The following COX6B1 variants were observed in gnomAD, a reference collection of about 807,000 sequenced individuals.
COX6B1 encodes the protein COX VIb-1.
Under a neutral mutation model 14.0 loss-of-function variants are expected in COX6B1, and 2 were observed. The observed-to-expected ratio is 0.14, with a 90% CI of 0.06 to 0.45. The LOEUF (loss-of-function observed/expected upper bound fraction) is 0.45, where lower values mean the gene tolerates loss of function less well. COX6B1 is among the 20% of genes least tolerant of loss of function. COX6B1 has a pLI of 0.98. For synonymous variants in COX6B1, 30 were observed against 39.7 expected (o/e 0.76, Z 0.92); for missense variants, 81 against 114.2 (o/e 0.71, Z 1.33).
At chr19:35,656,200 T>A (rs1463763613) in intron 3 of COX6B1, among the ~76,000 whole-genome samples, 1 of 152,222 alleles carries the variant, frequency 6.6e-6, no homozygotes, top group Non-Finnish European at 1.5e-5. Context: ...ACAAAAATCT[T>A]CATGTACAAA....
At chr19:35,656,126 A>G (rs1210140400) in intron 3 of COX6B1, among the ~76,000 whole-genome samples, 1 of 152,200 alleles carries the variant, frequency 6.6e-6, no homozygotes, top group African/African-American at 2.4e-5. Context: ...TACCGCACCC[A>G]GCTGAATCTT....
intron 1 of COX6B1, 39 bp from the exon 2 acceptor site, chr19:35,651,194 C>G: frequency 7.0e-7 from 1 of 1,426,268 alleles, no homozygotes; most frequent in Non-Finnish European, 9.9e-7. Flanking sequence ...GCTCAGGGCC[C>G]CTGGGGCCCC....
Position 35,653,972 on chromosome 19 carries a change from G to C in COX6B1, c.107-599G>C, listed in dbSNP as rs546607200. ...ACCTGCCTTAGCTTCCCAAAGTGCTGGGATTACAGGCCTGAGCCACCATGC... is the reference window on the plus strand; with the variant it reads ...ACCTGCCTTAGCTTCCCAAAGTGCTCGGATTACAGGCCTGAGCCACCATGC... On this transcript the variant is annotated intron_variant, in intron 2 of 3. Transcript: ENST00000649813. 2.0e-5 allele frequency among the ~76,000 whole-genome samples: 3 copies of C among 152,160 alleles called. No individual in the cohort carries two copies. The South Asian group carries it at 6.2e-4, about 31-fold the overall frequency.
Position 35,658,649 on chromosome 19 carries a change from C to A in COX6B1, c.*2C>A. 1.2e-6 allele frequency: 2 copies of A among 1,613,712 alleles called. No individual in the cohort carries two copies. Among genetic ancestry groups the A allele is most frequent in the Non-Finnish European group, 1.7e-6 (2 of 1,179,662 alleles). On this transcript the variant is annotated 3_prime_UTR_variant, in exon 4 of 4. Coordinates refer to ENST00000649813, the MANE Select transcript of COX6B1 (RefSeq NM_001863.5). ...GGCACGTTTCCCGGGAAGATCTGAA[C>A]TGGCTGCATCTCCCTTTCCTCTGTC...
At chr19:35,655,755 GTCTC>G (rs3038413) in intron 3 of COX6B1, among the ~76,000 whole-genome samples, 19,935 of 145,856 alleles carry the variant, frequency 0.14, 1,641 homozygotes, top group East Asian at 0.38. Flanking sequence ...CACTGTGCCT[GTCTC>G]TCTCTCTCTC....
chr19:35,653,474 A>G (rs1967852519), intron 2 of COX6B1, among the ~76,000 whole-genome samples: 1 of 147,624 alleles, frequency 6.8e-6, no homozygotes. Context: ...GGATTTCACC[A>G]TGTTGGCCAG....
At chr19:35,657,189 T>A (rs1438430723) in intron 3 of COX6B1, among the ~76,000 whole-genome samples, 2 of 151,864 alleles carry the variant, frequency 1.3e-5, no homozygotes, top group Non-Finnish European at 1.5e-5. Flanking sequence ...AGCCCTGAGC[T>A]TGTTTTCCTG....
chr19:35,655,972 T>C lies in COX6B1; in HGVS notation c.207+1301T>C, dbSNP rs1967885142. On this transcript the variant is annotated intron_variant, in intron 3 of 3. Transcript: ENST00000649813. ...TCCTGAATAGCTGGGACTACAGGCA[T>C]GAGCCACCACACCTGGCCCAATTTT... Among the ~76,000 whole-genome samples the C allele has an allele frequency of 2.0e-5, 3 of 152,090 alleles. No individual in the cohort carries two copies. The South Asian group carries it at 6.2e-4, about 32-fold the overall frequency.
At position 35,655,441 on chromosome 19, in the gene COX6B1, C is replaced by T. The variant is rs913897851; in HGVS notation, c.207+770C>T. ...CACGGTTTCTTCATCTACCCCTTTT[C>T]GTTTTCTTCTTTCCTTTGCTGAAGT... On this transcript the variant is annotated intron_variant, in intron 3 of 3. Transcript: ENST00000649813. Among the ~76,000 whole-genome samples the T allele has an allele frequency of 2.2e-4, 33 of 152,236 alleles. No homozygotes were observed. The South Asian group carries it at 2.7e-3, about 12-fold the overall frequency.
At chr19:35,649,724 C>G (rs1481710644) in intron 1 of COX6B1, among the ~76,000 whole-genome samples, 1 of 152,122 alleles carries the variant, frequency 6.6e-6, no homozygotes, top group Non-Finnish European at 1.5e-5. Flanking sequence ...AGGTGATCCA[C>G]CCACCTCGGC....
chr19:35,653,738 G>A (rs1334609349), intron 2 of COX6B1, among the ~76,000 whole-genome samples: 1 of 151,206 alleles, frequency 6.6e-6, no homozygotes, highest in African/African-American at 2.4e-5. Context: ...CCGCCACCGC[G>A]CCCAGCTAAT....
chr19:35,657,506 G>A (rs528406255), intron 3 of COX6B1, among the ~76,000 whole-genome samples: 2 of 152,076 alleles, frequency 1.3e-5, no homozygotes, highest in Admixed American at 6.6e-5. Context: ...GTTGGGGCTC[G>A]GGGACCCCTG....
At chr19:35,653,418 G>A (rs536234958) in intron 2 of COX6B1, among the ~76,000 whole-genome samples, 3 of 150,734 alleles carry the variant, frequency 2.0e-5, no homozygotes, top group South Asian at 2.1e-4. Flanking sequence ...GACTACAGGC[G>A]CGTGCCACCA....
At chr19:35,650,301 C>A (rs1014723762) in intron 1 of COX6B1, among the ~76,000 whole-genome samples, 48 of 152,184 alleles carry the variant, frequency 3.2e-4, no homozygotes, top group African/African-American at 1.1e-3. Context: ...CCGCACCCGG[C>A]GAAAATTGTA....
intron 3 of COX6B1, among the ~76,000 whole-genome samples, chr19:35,655,031 T>G (rs1967872300): frequency 6.6e-6 from 1 of 151,140 alleles, no homozygotes; most frequent in Non-Finnish European, 1.5e-5. Flanking sequence ...TTTTTCTTTT[T>G]TTTTTTTTAG....
intron 1 of COX6B1, among the ~76,000 whole-genome samples, chr19:35,650,352 T>C (rs1967811576): frequency 6.6e-6 from 1 of 152,206 alleles, no homozygotes. Flanking sequence ...TGCTTTTCTT[T>C]GTGATGCTGT....
At chr19:35,650,248 C>T (rs1210583540) in intron 1 of COX6B1, among the ~76,000 whole-genome samples, 1 of 152,066 alleles carries the variant, frequency 6.6e-6, no homozygotes. Flanking sequence ...AGGTGATCCA[C>T]CCCCCTGGCC....
Position 35,658,728 on chromosome 19 carries a change from C to T in COX6B1, c.*81C>T. 8.0e-7 allele frequency: 1 copy of T among 1,245,930 alleles called. No homozygotes were observed. The highest frequency in any genetic ancestry group is 2.3e-5 in the East Asian group (1 of 43,094). 77.2% of individuals were successfully genotyped at this position (1,245,930 alleles called of 1,614,324 possible). ...GGGACCTGGTACCCAGTGATCCCCA[C>T]CCCAGGATCCTAAATCATGACTTAC... On this transcript the variant is annotated 3_prime_UTR_variant, in exon 4 of 4. Coordinates refer to ENST00000649813, the MANE Select transcript of COX6B1 (RefSeq NM_001863.5).
At position 35,658,667 on chromosome 19, in the gene COX6B1, C is replaced by T. The variant is rs372163838; in HGVS notation, c.*20C>T. The T allele has an allele frequency of 3.1e-6, 5 of 1,611,584 alleles. No individual in the cohort carries two copies. The Admixed American group carries it at 5.0e-5, about 16-fold the overall frequency. On this transcript the variant is annotated 3_prime_UTR_variant, in exon 4 of 4. Coordinates refer to ENST00000649813, the MANE Select transcript of COX6B1 (RefSeq NM_001863.5). ...ATCTGAACTGGCTGCATCTCCCTTTCCTCTGTCCTCCATCCTTCTCCCAGG... is the reference window on the plus strand; with the variant it reads ...ATCTGAACTGGCTGCATCTCCCTTTTCTCTGTCCTCCATCCTTCTCCCAGG...
Sources: allele counts gnomAD v4.1 joint callset (sites outside exome capture counted in the v4.1 genomes callset), GRCh38; gene constraint gnomAD v4.1.1; transcripts MANE v1.5; gene names NCBI Gene and HGNC (gene_info 2026-07-23, HGNC 2026-07-21).